EBF1: variants seen among roughly 807,000 people sequenced by gnomAD.
The protein encoded by EBF1 is EBF transcription factor 1.
In EBF1, 10 loss-of-function variants were observed where a neutral mutation model predicts 68.4. That is an observed-to-expected ratio of 0.15 (90% CI 0.09 to 0.25). The LOEUF (loss-of-function observed/expected upper bound fraction) is 0.25. Among genes scored for constraint, EBF1 ranks in the 10% least tolerant of loss-of-function variants. EBF1 has a pLI of 1.00. For missense variants in EBF1, 509 were observed against 794.4 expected (o/e 0.64, Z 4.32); for synonymous variants, 298 against 299.8 (o/e 0.99, Z 0.06).
rs150396623 is a variant in EBF1 at position 158,982,125 on chromosome 5, C to G, written c.554+91271G>C. 4.7e-3 allele frequency among the ~76,000 whole-genome samples: 715 copies of G among 152,342 alleles called. 5 individuals are homozygous for G. Among genetic ancestry groups the G allele is most frequent in the African/African-American group, 0.016 (659 of 41,582 alleles). ...AGTTACAATGGCCTAGACCAAACTACACGCTAATTGAAACTCTGTAAAAAA... is the reference window on the plus strand; with the variant it reads ...AGTTACAATGGCCTAGACCAAACTAGACGCTAATTGAAACTCTGTAAAAAA... On this transcript the variant is annotated intron_variant, in intron 6 of 15. Transcript: ENST00000313708.
chr5:158,960,052 A>G (rs1049475259), intron 6 of EBF1, among the ~76,000 whole-genome samples: 1 of 152,170 alleles, frequency 6.6e-6, no homozygotes, highest in African/African-American at 2.4e-5. Context: ...CTTTAAATGC[A>G]CCAGAGAAGC....
intron 11 of EBF1, among the ~76,000 whole-genome samples, chr5:158,714,630 G>A (rs1760228686): frequency 6.6e-6 from 1 of 152,144 alleles, no homozygotes; most frequent in South Asian, 2.1e-4. Context: ...GCTACTAGAA[G>A]CATGTAGTAT....
intron 6 of EBF1, among the ~76,000 whole-genome samples, chr5:158,927,396 T>C (rs1583228883): frequency 6.6e-6 from 1 of 152,208 alleles, no homozygotes; most frequent in Non-Finnish European, 1.5e-5. Context: ...CTTCTTCTTG[T>C]GTCCCGGAGC....
At chr5:158,990,464 G>A (rs1760097607) in intron 6 of EBF1, among the ~76,000 whole-genome samples, 1 of 152,254 alleles carries the variant, frequency 6.6e-6, no homozygotes, top group African/African-American at 2.4e-5. Flanking sequence ...CAATAAGACA[G>A]GCCTTGAACT....
intron 11 of EBF1, among the ~76,000 whole-genome samples, chr5:158,717,135 T>C (rs191730262): frequency 8.5e-5 from 13 of 152,366 alleles, no homozygotes; most frequent in African/African-American, 3.1e-4. Context: ...AATGTATTGA[T>C]TAAATTTGTA....
At chr5:158,864,154 G>T (rs956033845) in intron 6 of EBF1, among the ~76,000 whole-genome samples, 2 of 149,908 alleles carry the variant, frequency 1.3e-5, no homozygotes, top group Admixed American at 1.3e-4. Context: ...AACCCGGGAG[G>T]TGGAGGTTGC....
chr5:158,863,652 A>T (rs747175504), intron 6 of EBF1, among the ~76,000 whole-genome samples: 2 of 152,234 alleles, frequency 1.3e-5, no homozygotes, highest in African/African-American at 4.8e-5. Flanking sequence ...AAAAAAAAAT[A>T]TGCTGGAATG....
chr5:158,839,484 G>A (rs185954106), intron 7 of EBF1, among the ~76,000 whole-genome samples: 3 of 152,278 alleles, frequency 2.0e-5, no homozygotes, highest in Admixed American at 2.0e-4. Context: ...CCGGGTTCAA[G>A]TGATCTTCCT....
intron 6 of EBF1, among the ~76,000 whole-genome samples, chr5:159,016,433 T>C (rs1765633721): frequency 6.6e-6 from 1 of 152,210 alleles, no homozygotes; most frequent in South Asian, 2.1e-4. Flanking sequence ...CTTGAAAGAC[T>C]TGAATCAATT....
chr5:158,852,169 C>CA (rs113252656), intron 6 of EBF1, among the ~76,000 whole-genome samples: 13 of 132,536 alleles, frequency 9.8e-5, no homozygotes, highest in Admixed American at 1.5e-4. Context: ...ACTTTTCAAC[C>CA]AAAAAAAAAA....
intron 10 of EBF1, among the ~76,000 whole-genome samples, chr5:158,768,227 A>G (rs975969799): frequency 6.6e-6 from 1 of 152,200 alleles, no homozygotes; most frequent in East Asian, 1.9e-4. Context: ...GAGAGGAGAA[A>G]CCAAATTCCA....
rs538086519 is a variant in EBF1 at position 158,760,814 on chromosome 5, G to A, written c.1036+16599C>T. 4.6e-5 allele frequency among the ~76,000 whole-genome samples: 7 copies of A among 152,078 alleles called. No individual in the cohort carries two copies. The South Asian group carries it at 8.3e-4, about 18-fold the overall frequency. ...GTTGTGTTATTATTTTCCTCAAATCGATATTTTACAACCTTTTTTATCCGC... is the reference window on the plus strand; with the variant it reads ...GTTGTGTTATTATTTTCCTCAAATCAATATTTTACAACCTTTTTTATCCGC... On this transcript the variant is annotated intron_variant, in intron 10 of 15. Coordinates refer to ENST00000313708, the MANE Select transcript of EBF1 (RefSeq NM_024007.5).
At chr5:158,897,286 G>T (rs1440589309) in intron 6 of EBF1, among the ~76,000 whole-genome samples, 2 of 152,134 alleles carry the variant, frequency 1.3e-5, no homozygotes, top group East Asian at 3.8e-4. Flanking sequence ...GGAGCTGGAG[G>T]CCATTATCCT....
intron 9 of EBF1, among the ~76,000 whole-genome samples, chr5:158,786,432 A>C (rs1378259683): frequency 1.3e-5 from 2 of 152,166 alleles, no homozygotes; most frequent in African/African-American, 4.8e-5. Flanking sequence ...TTTTAAATAA[A>C]CTTTCTCCAG....
chr5:158,778,799 T>C (rs1775825214), intron 9 of EBF1, among the ~76,000 whole-genome samples: 1 of 152,172 alleles, frequency 6.6e-6, no homozygotes, highest in Non-Finnish European at 1.5e-5. Flanking sequence ...CATTTTAACT[T>C]AGCAATTACA....
At chr5:158,909,470 C>T (rs749087674) in intron 6 of EBF1, among the ~76,000 whole-genome samples, 3 of 152,094 alleles carry the variant, frequency 2.0e-5, no homozygotes, top group Non-Finnish European at 4.4e-5. Context: ...AATTGTGTCA[C>T]CATTAGGATC....
At chr5:159,043,732 T>C (rs1182236015) in intron 6 of EBF1, among the ~76,000 whole-genome samples, 1 of 152,206 alleles carries the variant, frequency 6.6e-6, no homozygotes, top group Non-Finnish European at 1.5e-5. Flanking sequence ...AAGGTCTTAA[T>C]GGTAGCAACA....
intron 7 of EBF1, among the ~76,000 whole-genome samples, chr5:158,823,899 A>C (rs1377860321): frequency 6.6e-6 from 1 of 151,246 alleles, no homozygotes. Flanking sequence ...CACCCCAAAA[A>C]ATTCCTGCTA....
chr5:158,813,525 G>A (rs1783114554), intron 8 of EBF1, among the ~76,000 whole-genome samples: 1 of 152,186 alleles, frequency 6.6e-6, no homozygotes, highest in Non-Finnish European at 1.5e-5. Flanking sequence ...GATGGCCAAG[G>A]TGGAGGGAAA....
Sources: allele counts gnomAD v4.1 joint callset (sites outside exome capture counted in the v4.1 genomes callset), GRCh38; gene constraint gnomAD v4.1.1; transcripts MANE v1.5; gene names NCBI Gene and HGNC (gene_info 2026-07-23, HGNC 2026-07-21).